The following CNTN4 variants were observed in gnomAD, a reference collection of about 807,000 sequenced individuals.
CNTN4 encodes the protein contactin 4, also known as contactin-4.
In CNTN4, 77 loss-of-function variants were observed where a neutral mutation model predicts 122.5. The observed-to-expected ratio is 0.63, with a 90% CI of 0.52 to 0.76. The LOEUF (loss-of-function observed/expected upper bound fraction) is 0.76, where lower values mean the gene tolerates loss of function less well. Ranked by LOEUF, CNTN4 falls within the 30% of genes least tolerant of loss-of-function variation. The pLI is 0.00. For synonymous variants in CNTN4, 512 were observed against 447.0 expected (o/e 1.15, Z -1.83); for missense variants, 1,256 against 1,259.1 (o/e 1.00, Z 0.04).
At chr3:2,523,768 A>T (rs2077304532) in intron 3 of CNTN4, among the ~76,000 whole-genome samples, 1 of 152,060 alleles carries the variant, frequency 6.6e-6, no homozygotes, top group Non-Finnish European at 1.5e-5. Context: ...CAGAATCCTC[A>T]CGTAAGAGGT....
intron 2 of CNTN4, among the ~76,000 whole-genome samples, chr3:2,285,477 T>A (rs9864666): frequency 0.015 from 2,343 of 152,234 alleles, 59 homozygotes; most frequent in African/African-American, 0.054. Flanking sequence ...AGTTTGATTT[T>A]TTCTTCTTCC....
chr3:2,464,080 A>G (rs2075412309), intron 3 of CNTN4, among the ~76,000 whole-genome samples: 1 of 152,100 alleles, frequency 6.6e-6, no homozygotes, highest in South Asian at 2.1e-4. Context: ...ACCAAGTTTG[A>G]TTTCTACATG....
chr3:3,011,339 G>A (rs1273704898), intron 14 of CNTN4, among the ~76,000 whole-genome samples: 1 of 152,132 alleles, frequency 6.6e-6, no homozygotes, highest in African/African-American at 2.4e-5. Context: ...AGCTGGTTTA[G>A]TTATTCACCG....
At chr3:2,461,504 C>T (rs762349119) in intron 3 of CNTN4, among the ~76,000 whole-genome samples, 11 of 152,110 alleles carry the variant, frequency 7.2e-5, no homozygotes, top group South Asian at 2.1e-4. Flanking sequence ...AGCTACTAAG[C>T]GGTAGATCCA....
chr3:2,723,637 G>A (rs1175350809), intron 4 of CNTN4, among the ~76,000 whole-genome samples: 2 of 152,196 alleles, frequency 1.3e-5, no homozygotes, highest in African/African-American at 4.8e-5. Context: ...ATTCATGAGG[G>A]AGGAGTCCTC....
In CNTN4 at chr3:2,822,936, CA is replaced by C. The variant is rs1331497958; in HGVS notation, c.454+3356del. 1.7e-3 allele frequency among the ~76,000 whole-genome samples: 260 copies of C among 152,248 alleles called. 1 individual carries two copies. The highest frequency in any genetic ancestry group is 5.9e-3 in the African/African-American group (247 of 41,544). ...TATAAGCTCTATTAGAAATGGCGTG[CA>C]CATTAACGCTGTGGGCAAAGCAGGC... On this transcript the variant is annotated intron_variant, in intron 7 of 24. Coordinates refer to ENST00000418658, the MANE Select transcript of CNTN4 (RefSeq NM_175607.3).
chr3:2,248,600 C>T (rs1266331156), intron 2 of CNTN4, among the ~76,000 whole-genome samples: 2 of 152,096 alleles, frequency 1.3e-5, no homozygotes, highest in African/African-American at 2.4e-5. Flanking sequence ...TAAACACGAT[C>T]AATCAAAGCT....
chr3:3,007,075 A>G (rs1387632953), intron 14 of CNTN4, among the ~76,000 whole-genome samples: 1 of 152,168 alleles, frequency 6.6e-6, no homozygotes, highest in African/African-American at 2.4e-5. Flanking sequence ...AAGTCTGAGA[A>G]ATTAGTCACT....
intron 13 of CNTN4, among the ~76,000 whole-genome samples, chr3:2,930,430 T>C (rs1485600135): frequency 3.3e-5 from 5 of 152,206 alleles, no homozygotes; most frequent in Admixed American, 3.3e-4. Flanking sequence ...ATGTGGTGCT[T>C]AGACAAGAAA....
At chr3:2,911,420 G>T (rs2094298389) in intron 12 of CNTN4, among the ~76,000 whole-genome samples, 1 of 152,218 alleles carries the variant, frequency 6.6e-6, no homozygotes, top group Non-Finnish European at 1.5e-5. Flanking sequence ...AGGCTTGAGA[G>T]ATTTGCGGAA....
chr3:2,334,895 TTAA>T (rs1173570282), intron 2 of CNTN4, among the ~76,000 whole-genome samples: 1 of 152,220 alleles, frequency 6.6e-6, no homozygotes, highest in African/African-American at 2.4e-5. Context: ...GTTTTTGTTC[TTAA>T]TAAATAACCG....
intron 14 of CNTN4, among the ~76,000 whole-genome samples, chr3:3,016,098 G>T (rs1364177712): frequency 6.6e-6 from 1 of 152,098 alleles, no homozygotes; most frequent in African/African-American, 2.4e-5. Flanking sequence ...GTGGGTAAAA[G>T]ATATCTGTGG....
intron 2 of CNTN4, among the ~76,000 whole-genome samples, chr3:2,255,779 C>G (rs2040564099): frequency 6.6e-6 from 1 of 152,142 alleles, no homozygotes; most frequent in Non-Finnish European, 1.5e-5. Flanking sequence ...TTCTGGGACG[C>G]ATTTAAAGCA....
chr3:2,127,246 G>C (rs767389084), intron 2 of CNTN4, among the ~76,000 whole-genome samples: 6 of 152,142 alleles, frequency 3.9e-5, no homozygotes, highest in Non-Finnish European at 7.3e-5. Context: ...TGTGCTGTGG[G>C]TGAAGGGGTG....
intron 7 of CNTN4, among the ~76,000 whole-genome samples, chr3:2,856,111 A>G (rs1323252171): frequency 1.3e-5 from 2 of 152,196 alleles, no homozygotes; most frequent in Non-Finnish European, 2.9e-5. Flanking sequence ...GGCATTTGGA[A>G]TTCCACTTCG....
chr3:2,673,149 A>T (rs2084634824), intron 4 of CNTN4, among the ~76,000 whole-genome samples: 1 of 152,170 alleles, frequency 6.6e-6, no homozygotes, highest in Admixed American at 6.5e-5. Flanking sequence ...ATCTATGGTC[A>T]AACTATTTGG....
At position 2,823,881 on chromosome 3, in the gene CNTN4, C is replaced by G. The variant is rs1278845403; in HGVS notation, c.454+4300C>G. On this transcript the variant is annotated intron_variant, in intron 7 of 24. Transcript: ENST00000418658. ...TGGTCCAAGCACCAGCAGCATTGGC[C>G]TCACCTGGAAATTTGATAAAAAGGT... Among the ~76,000 whole-genome samples the G allele has an allele frequency of 2.0e-5, 3 of 152,134 alleles. No individual in the cohort carries two copies. The East Asian group carries it at 5.8e-4, about 29-fold the overall frequency.
At chr3:2,905,166 C>T (rs923059900) in intron 12 of CNTN4, among the ~76,000 whole-genome samples, 1 of 152,148 alleles carries the variant, frequency 6.6e-6, no homozygotes, top group Non-Finnish European at 1.5e-5. Flanking sequence ...ATTTAAAAAT[C>T]ATTTCCAATT....
At chr3:2,737,301 G>C (rs546401689) in intron 5 of CNTN4, among the ~76,000 whole-genome samples, 2 of 152,094 alleles carry the variant, frequency 1.3e-5, no homozygotes, top group South Asian at 4.2e-4. Context: ...AACTGGTCTC[G>C]TATTCCTGAC....
Sources: gnomAD v4.1 joint callset for allele counts (sites outside exome capture counted in the v4.1 genomes callset) on GRCh38, gnomAD v4.1.1 for gene constraint, MANE v1.5 for transcripts, NCBI Gene and HGNC (gene_info 2026-07-23, HGNC 2026-07-21) for gene names.